The following MAP4K1 variants were observed in gnomAD, a reference collection of about 807,000 sequenced individuals.
The protein encoded by MAP4K1 is mitogen-activated protein kinase kinase kinase kinase 1.
In MAP4K1, 35 loss-of-function variants were observed where a neutral mutation model predicts 122.8. The ratio of observed to expected loss-of-function variants is 0.29; its 90% CI spans 0.22 to 0.38. The LOEUF is 0.38. Ranked by LOEUF, MAP4K1 falls within the 10% of genes least tolerant of loss-of-function variation. The pLI, the probability that MAP4K1 is intolerant of heterozygous loss-of-function variation, is 1.00. For synonymous variants in MAP4K1, 412 were observed against 421.3 expected (o/e 0.98, Z 0.27); for missense variants, 791 against 1,072.6 (o/e 0.74, Z 3.67).
intron 30 of MAP4K1, among the ~76,000 whole-genome samples, chr19:38,588,532 C>A (rs904418017): frequency 4.0e-5 from 6 of 151,806 alleles, no homozygotes; most frequent in South Asian, 2.1e-4. Flanking sequence ...TCTACTAAAA[C>A]TACAAAAATT....
intron 16 of MAP4K1, among the ~76,000 whole-genome samples, chr19:38,607,137 T>C (rs1282117210): frequency 2.0e-5 from 3 of 151,518 alleles, no homozygotes. Context: ...GGGTGCAGGG[T>C]CATGGAGGAT....
Position 38,603,134 on chromosome 19 carries a change from A to G in MAP4K1, c.1447-1609T>C, listed in dbSNP as rs1007471112. ...TATACACATGTACATATATACGCAT[A>G]TACATATATACACACATATACATGT... On this transcript the variant is annotated intron_variant, in intron 19 of 30. Transcript: ENST00000396857. 2.2e-4 allele frequency among the ~76,000 whole-genome samples: 32 copies of G among 148,602 alleles called. 1 individual carries two copies. The highest frequency in any genetic ancestry group is 8.8e-4 in the Admixed American group (13 of 14,784).
At chr19:38,604,780 ACT>A (rs1388234358) in intron 19 of MAP4K1, among the ~76,000 whole-genome samples, 1 of 117,870 alleles carries the variant, frequency 8.5e-6, no homozygotes, top group Admixed American at 9.6e-5. Context: ...ACACAGTGAG[ACT>A]CTGTCTCAAA....
chr19:38,603,275 CACAT>C lies in MAP4K1; in HGVS notation c.1447-1754_1447-1751del, dbSNP rs1975205656. ...ACATATATACGCATATACATATATA[CACAT>C]ACATATACACACACACATACATGTA... On this transcript the variant is annotated intron_variant, in intron 19 of 30. Transcript: ENST00000396857. Among the ~76,000 whole-genome samples the C allele has an allele frequency of 1.4e-5, 2 of 145,852 alleles. 1 individual carries two copies. The highest frequency in any genetic ancestry group is 1.4e-4 in the Admixed American group (2 of 14,794).
chr19:38,602,585 CATGT>C (rs554836115), intron 19 of MAP4K1, among the ~76,000 whole-genome samples: 4 of 145,916 alleles, frequency 2.7e-5, no homozygotes, highest in African/African-American at 7.8e-5. Context: ...TATATATACA[CATGT>C]ACATATATAC....
intron 30 of MAP4K1, among the ~76,000 whole-genome samples, chr19:38,590,437 A>ATATATAT (rs1168613832): frequency 4.0e-4 from 48 of 120,382 alleles, no homozygotes; most frequent in East Asian, 7.3e-4. Flanking sequence ...ATATATATAT[A>ATATATAT]ATCACGGGCG....
chr19:38,597,261 A>T lies in MAP4K1; in HGVS notation c.1837+65T>A. 6.2e-7 allele frequency: 1 copy of T among 1,605,212 alleles called. No homozygotes were observed. The highest frequency in any genetic ancestry group is 8.5e-7 in the Non-Finnish European group (1 of 1,172,722). On this transcript the variant is annotated intron_variant, in intron 24 of 30. Coordinates refer to ENST00000396857, the MANE Select transcript of MAP4K1 (RefSeq NM_001042600.3). The surrounding 1 kb of genome is among the most constrained non-coding windows in gnomAD (Gnocchi z 4.6). ...CTCTGTAACCTTCTCAGGTGGATGCAGTTCAAGCCCCTCCTCTGGCCTGGC... is the reference window on the plus strand; with the variant it reads ...CTCTGTAACCTTCTCAGGTGGATGCTGTTCAAGCCCCTCCTCTGGCCTGGC...
chr19:38,616,105 C>T (rs1244754188), intron 4 of MAP4K1, 90 bp downstream of exon 4: 71 of 899,988 alleles, frequency 7.9e-5, no homozygotes, highest in Non-Finnish European at 1.2e-4. Flanking sequence ...CTGTGAGATA[C>T]ACACACAGAG....
intron 19 of MAP4K1, among the ~76,000 whole-genome samples, chr19:38,602,832 AC>A (rs1453319861): frequency 3.3e-5 from 5 of 149,368 alleles, no homozygotes; most frequent in African/African-American, 1.2e-4. Flanking sequence ...GTACATATAT[AC>A]GCATATACAT....
intron 13 of MAP4K1, among the ~76,000 whole-genome samples, chr19:38,608,849 A>G (rs1250294548): frequency 1.3e-5 from 2 of 148,950 alleles, no homozygotes; most frequent in Admixed American, 1.4e-4. Flanking sequence ...CGCGTGGTGA[A>G]TAAGCCTGTA....
intron 13 of MAP4K1, among the ~76,000 whole-genome samples, chr19:38,609,128 TTTTTG>T (rs972355435): frequency 6.6e-6 from 1 of 152,052 alleles, no homozygotes; most frequent in African/African-American, 2.4e-5. Context: ...TTTGCTTTTG[TTTTTG>T]TTTTGTTTTG....
Position 38,608,236 on chromosome 19 carries a change from G to A in MAP4K1, c.1007-66C>T, listed in dbSNP as rs1031755322. 4 of 705,336 alleles carry A rather than the reference G, an allele frequency of 5.7e-6. No individual in the cohort carries two copies. The African/African-American group carries it at 7.4e-5, about 13-fold the overall frequency. The allele number at this position is 705,336 out of a possible 1,614,324, so 43.7% of individuals were successfully genotyped here. On this transcript the variant is annotated intron_variant, in intron 13 of 30. Transcript: ENST00000396857. ...GCAAGGGGTAACGAGATGGGTTTAA[G>A]AACAGAAAGAGTAGAATTGGCGGGG...
chr19:38,610,019 G>T lies in MAP4K1; in HGVS notation c.817C>A (p.Leu273Met). The T allele has an allele frequency of 6.2e-7, 1 of 1,611,868 alleles. No individual in the cohort carries two copies. Among genetic ancestry groups the T allele is most frequent in the Non-Finnish European group, 8.5e-7 (1 of 1,177,946 alleles). Residue 273 changes from leucine (L) to methionine (M), a missense_variant, in exon 12 of 31, where the codon CTG becomes ATG. Physicochemically the swap from Leu to Met is conservative, Grantham distance 15. Around this residue, in one of 4 missense-constraint regions of MAP4K1, gnomAD observed 303 missense variants for 344.8 expected, o/e 0.88. Transcript: ENST00000396857. ...CGATTCAGCCCAGGCTGGGATACCAGTTGATGCTGGCGGAGGGAAGAGGTG... is the reference window on the plus strand; with the variant it reads ...CGATTCAGCCCAGGCTGGGATACCATTTGATGCTGGCGGAGGGAAGAGGTG... ...PSATKMLSHQLVSQPGLNRGL... is the reference protein window; with the variant it reads ...PSATKMLSHQMVSQPGLNRGL...
Position 38,602,607 on chromosome 19 carries a change from CAT to C in MAP4K1, c.1447-1084_1447-1083del, listed in dbSNP as rs879556292. 4.5e-3 allele frequency among the ~76,000 whole-genome samples: 664 copies of C among 146,068 alleles called. 2 individuals carry two copies. Among genetic ancestry groups the C allele is most frequent in the Middle Eastern group, 0.017 (4 of 238 alleles). On this transcript the variant is annotated intron_variant, in intron 19 of 30. Transcript: ENST00000396857. ...ACACATGTACATATATACGCATATA[CAT>C]ATATATACACATATACATATATATA... is the stretch of plus-strand genomic sequence containing the variant.
chr19:38,592,703 G>A (rs772545311), intron 30 of MAP4K1, among the ~76,000 whole-genome samples: 5 of 152,182 alleles, frequency 3.3e-5, no homozygotes, highest in Middle Eastern at 3.4e-3. Flanking sequence ...GGATCACCGA[G>A]GTCAGGAGTT....
chr19:38,614,576 G>C (rs1222145300), intron 4 of MAP4K1, 131 bp from the exon 5 acceptor site: 1 of 931,920 alleles, frequency 1.1e-6, no homozygotes, highest in Non-Finnish European at 1.7e-6. Flanking sequence ...ACCAGTGGGA[G>C]GGGGAGATGG....
chr19:38,599,713 C>T (rs1975003622), intron 22 of MAP4K1, among the ~76,000 whole-genome samples: 1 of 151,934 alleles, frequency 6.6e-6, no homozygotes, highest in South Asian at 2.1e-4. Context: ...TCAAAATTGA[C>T]TTGAGAGGTG....
At chr19:38,614,208 C>T in intron 6 of MAP4K1, 37 bp downstream of exon 6, 1 of 1,612,252 alleles carries the variant, frequency 6.2e-7, no homozygotes, top group Non-Finnish European at 8.5e-7. Context: ...TCTCCTGGGC[C>T]CCACCCCCCA....
In MAP4K1 at chr19:38,604,004, A is replaced by C. The variant is rs1269982485; in HGVS notation, c.1446+1405T>G. Among the ~76,000 whole-genome samples the C allele has an allele frequency of 2.0e-5, 3 of 149,830 alleles. No homozygotes were observed. In the Admixed American group the frequency reaches 2.0e-4, roughly 10 times the overall value. On this transcript the variant is annotated intron_variant, in intron 19 of 30. Coordinates refer to ENST00000396857, the MANE Select transcript of MAP4K1 (RefSeq NM_001042600.3). ...ATCTCAGAAAAAAAAAAAAAAAATT[A>C]GCCAAGCGCTACTAGGGAGGGTGAG...
Sources: allele counts gnomAD v4.1 joint callset (sites outside exome capture counted in the v4.1 genomes callset), GRCh38; gene constraint gnomAD v4.1.1; regional missense constraint gnomAD v4.1.1; non-coding constraint Gnocchi (gnomAD v3.1); transcripts MANE v1.5; gene names NCBI Gene and HGNC (gene_info 2026-07-23, HGNC 2026-07-21).